The following GLB1L3 variants were observed in gnomAD, a reference collection of about 807,000 sequenced individuals.
GLB1L3 encodes galactosidase beta 1 like 3, also known as beta-galactosidase-1-like protein 3.
Under a neutral mutation model 89.5 loss-of-function variants are expected in GLB1L3, and 89 were observed. The ratio of observed to expected loss-of-function variants is 0.99; its 90% CI spans 0.84 to 1.19. The LOEUF is 1.19. GLB1L3 is among the 50% of genes most tolerant of loss of function. The pLI, the probability that GLB1L3 is intolerant of heterozygous loss-of-function variation, is 0.00. For synonymous variants in GLB1L3, 314 were observed against 312.3 expected, an observed-to-expected ratio of 1.01 and a Z score of -0.06; for missense variants, 812 against 813.3, an observed-to-expected ratio of 1.00 and a Z score of 0.02.
rs765094431 is a variant in GLB1L3, at chr11:134,277,741, G to C, written c.191G>C (p.Arg64Pro). 7.6e-5 allele frequency: 123 copies of C among 1,612,948 alleles called. No homozygotes were observed. The highest frequency in any genetic ancestry group is 3.3e-4 in the Middle Eastern group (2 of 6,084). Reference sequence around the variant, plus strand: ...CTGACCCCTCTGGAGCTGAAGAATCGATCTGTGGGACTTGGAACTGAAAGC... The same window carrying C: ...CTGACCCCTCTGGAGCTGAAGAATCCATCTGTGGGACTTGGAACTGAAAGC... ...SHLTPLELKN[R>P]SVGLGTESTG... The change falls in exon 3 of 20, where the codon CGA becomes CCA. Residue 64 changes from arginine (R) to proline (P), a missense_variant. This residue lies in a region of GLB1L3 where 191 missense variants were observed against 191.4 expected (regional missense o/e 1.00). Coordinates refer to ENST00000431683, the MANE Select transcript of GLB1L3 (RefSeq NM_001080407.3).
At position 134,319,102 on chromosome 11, in the gene GLB1L3, A is replaced by G. The variant is rs1943108123; in HGVS notation, c.*160A>G. On this transcript the variant is annotated 3_prime_UTR_variant, in exon 20 of 20. Transcript: ENST00000431683. Reference sequence around the variant, plus strand: ...CCCCAGCAGCTGGGACTACAGGTGCACGCCACCACGCCTGGCTAATTTTTT... The same window carrying G: ...CCCCAGCAGCTGGGACTACAGGTGCGCGCCACCACGCCTGGCTAATTTTTT... 1.7e-6 allele frequency: 1 copy of G among 588,114 alleles called. No individual in the cohort carries two copies. Among genetic ancestry groups the G allele is most frequent in the Admixed American group, 3.0e-5 (1 of 32,956 alleles). 36.4% of individuals were successfully genotyped at this position (588,114 alleles called of 1,614,324 possible).
intron 9 of GLB1L3, among the ~76,000 whole-genome samples, chr11:134,302,462 T>G (rs999981643): frequency 2.0e-5 from 3 of 152,224 alleles, no homozygotes; most frequent in African/African-American, 7.2e-5. Flanking sequence ...GTTATTCACT[T>G]AATTCTATAA....
chr11:134,323,909 A>T (rs189477741), downstream of GLB1L3, among the ~76,000 whole-genome samples: 5 of 152,210 alleles, frequency 3.3e-5, no homozygotes, highest in African/African-American at 4.8e-5. Flanking sequence ...TATGTCGTGT[A>T]CTCTGTTTTT....
At chr11:134,310,004 C>G (rs1942644754) in intron 11 of GLB1L3, 2 of 538,376 alleles carry the variant, frequency 3.7e-6, no homozygotes, top group African/African-American at 3.8e-5. Context: ...GGTATACTGC[C>G]CTGTTGGCTT....
chr11:134,276,385 G>A lies in GLB1L3; in HGVS notation c.-356G>A, dbSNP rs974411004. ...GCCCCTCTCCCGCGCAGGCCTCCCTGTGCCAGCCGGCTGTCGACCCAGGTT... is the reference window on the plus strand; with the variant it reads ...GCCCCTCTCCCGCGCAGGCCTCCCTATGCCAGCCGGCTGTCGACCCAGGTT... On this transcript the variant is annotated 5_prime_UTR_variant, in exon 1 of 20. It adds an upstream start codon to the 5' untranslated region. Coordinates refer to ENST00000431683, the MANE Select transcript of GLB1L3 (RefSeq NM_001080407.3). 8.3e-6 allele frequency: 2 copies of A among 239,744 alleles called. No homozygotes were observed. Among genetic ancestry groups the A allele is most frequent in the Admixed American group, 5.7e-5 (1 of 17,674 alleles). The allele number at this position is 239,744 out of a possible 1,614,324, so 14.9% of individuals were successfully genotyped here. A position where few individuals can be genotyped will look rare whatever the true frequency, so the allele number is the denominator to read the frequency against.
chr11:134,276,075 C>G (rs1007992766), upstream of GLB1L3: 3 of 152,746 alleles, frequency 2.0e-5, no homozygotes, highest in African/African-American at 7.2e-5. Context: ...CCTCTGCCTC[C>G]TGCAGGTCCC....
intron 3 of GLB1L3, among the ~76,000 whole-genome samples, chr11:134,279,288 C>T (rs1454569872): frequency 1.3e-5 from 2 of 151,676 alleles, no homozygotes; most frequent in African/African-American, 4.8e-5. Context: ...TAACTCATGT[C>T]CTCTATTTCT....
chr11:134,311,124 C>T lies in GLB1L3; in HGVS notation c.1241C>T (p.Pro414Leu), dbSNP rs570019995. The T allele has an allele frequency of 3.7e-5, 60 of 1,613,726 alleles. 1 individual carries two copies. The highest frequency in any genetic ancestry group is 5.0e-5 in the Admixed American group (3 of 59,996). Reference sequence around the variant, plus strand: ...AAGGCTGTGTATCCCCCCGTGAGACCGTCGCTGTACCTCCCGCTGTGGGAC... The same window carrying T: ...AAGGCTGTGTATCCCCCCGTGAGACTGTCGCTGTACCTCCCGCTGTGGGAC... The part of the protein sequence containing the change: ...PPKAVYPPVR[P>L]SLYLPLWDAL... Residue 414 changes from proline (P) to leucine (L), a missense_variant, in exon 13 of 20, where the codon CCG (proline) becomes CTG (leucine). This residue lies in a region of GLB1L3 where 618 missense variants were observed against 604.0 expected (regional missense o/e 1.02). Coordinates refer to ENST00000431683, the MANE Select transcript of GLB1L3 (RefSeq NM_001080407.3).
chr11:134,308,986 A>T (rs1342767968), intron 10 of GLB1L3, among the ~76,000 whole-genome samples: 1 of 152,134 alleles, frequency 6.6e-6, no homozygotes, highest in Admixed American at 6.5e-5. Context: ...TACAAAATGG[A>T]AGTTTTGTGG....
chr11:134,321,399 A>G (rs1943166504), downstream of GLB1L3, among the ~76,000 whole-genome samples: 1 of 152,202 alleles, frequency 6.6e-6, no homozygotes, highest in Admixed American at 6.5e-5. Flanking sequence ...AAGACAAAAG[A>G]TAGTAGAAGA....
At chr11:134,316,305 A>G (rs888332576) in intron 18 of GLB1L3, among the ~76,000 whole-genome samples, 14 of 152,086 alleles carry the variant, frequency 9.2e-5, no homozygotes, top group African/African-American at 3.4e-4. Context: ...AATGTACATA[A>G]TTATAAGCCA....
intron 9 of GLB1L3, among the ~76,000 whole-genome samples, chr11:134,299,948 G>A (rs1176125944): frequency 1.3e-5 from 2 of 152,134 alleles, no homozygotes; most frequent in Non-Finnish European, 2.9e-5. Flanking sequence ...CAGCTTCTGT[G>A]CTGTTTCTCA....
At chr11:134,280,933 C>T (rs1940650603) in intron 3 of GLB1L3, among the ~76,000 whole-genome samples, 1 of 152,192 alleles carries the variant, frequency 6.6e-6, no homozygotes, top group Admixed American at 6.5e-5. Flanking sequence ...GGGGGCCCTT[C>T]TTGCTAAGGT....
chr11:134,318,893 A>C lies in GLB1L3; in HGVS notation c.1913A>C (p.Lys638Thr). The C allele has an allele frequency of 6.2e-7, 1 of 1,613,536 alleles. No individual in the cohort carries two copies. Among genetic ancestry groups the C allele is most frequent in the South Asian group, 1.1e-5 (1 of 91,064 alleles). ...PEDNEVILFE[K>T]MMSGSDIKST... ...TCTTCTCAGGTCATCTTGTTTGAGA[A>C]GATGATGAGTGGCTCAGATATCAAA... is the stretch of plus-strand genomic sequence containing the variant. Residue 638 changes from lysine (K) to threonine (T), a missense_variant, in exon 20 of 20, where the codon AAG becomes ACG. This residue lies in a region of GLB1L3 where 618 missense variants were observed against 604.0 expected (regional missense o/e 1.02). Transcript: ENST00000431683.
chr11:134,317,739 A>G (rs1486434261), intron 18 of GLB1L3, among the ~76,000 whole-genome samples: 1 of 152,128 alleles, frequency 6.6e-6, no homozygotes, highest in Non-Finnish European at 1.5e-5. Flanking sequence ...TGCTTTGCCT[A>G]TTGACTATTG....
intron 9 of GLB1L3, 23 bp downstream of exon 9, chr11:134,293,232 G>A: frequency 6.3e-7 from 1 of 1,591,590 alleles, no homozygotes; most frequent in Non-Finnish European, 8.6e-7. Flanking sequence ...AGACAGGCAG[G>A]GTTTTACAGC....
intron 10 of GLB1L3, among the ~76,000 whole-genome samples, chr11:134,308,392 CCACCAT>C (rs1565413492): frequency 0.019 from 997 of 52,740 alleles, 105 homozygotes; most frequent in Admixed American, 0.043. Context: ...ACCACCATCA[CCACCAT>C]CACCATCACC....
chr11:134,292,001 T>C (rs1254405287), intron 7 of GLB1L3, 131 bp from the exon 8 acceptor site: 1 of 664,258 alleles, frequency 1.5e-6, no homozygotes, highest in African/African-American at 1.8e-5. Flanking sequence ...ATTAAAAAAG[T>C]AAAAACATAT....
At chr11:134,281,893 C>T (rs1285741853) in intron 4 of GLB1L3, 132 bp from the exon 5 acceptor site, 13 of 712,818 alleles carry the variant, frequency 1.8e-5, no homozygotes, top group African/African-American at 1.7e-4. Context: ...TGGGAGTCCC[C>T]ACGCTTTGGG....
Sources: gnomAD v4.1 joint callset for allele counts (sites outside exome capture counted in the v4.1 genomes callset) on GRCh38, gnomAD v4.1.1 for gene constraint, gnomAD v4.1.1 regional missense constraint, MANE v1.5 for transcripts, NCBI Gene and HGNC (gene_info 2026-07-23, HGNC 2026-07-21) for gene names.